The following GHR variants were observed in gnomAD, a reference collection of about 807,000 sequenced individuals.
GHR encodes the protein GH receptor.
Under a neutral mutation model 67.1 loss-of-function variants are expected in GHR, and 35 were observed. The observed-to-expected ratio is 0.52, with a 90% CI of 0.40 to 0.69. The LOEUF (loss-of-function observed/expected upper bound fraction) is 0.69. Ranked by LOEUF, GHR falls within the 30% of genes least tolerant of loss-of-function variation. GHR has a pLI of 0.00. For missense variants in GHR, 792 were observed against 764.6 expected, an observed-to-expected ratio of 1.04 and a Z score of -0.42; for synonymous variants, 272 against 269.1, an observed-to-expected ratio of 1.01 and a Z score of -0.10.
Position 42,720,741 on chromosome 5 carries a change from T to C in GHR, c.*1317T>C, listed in dbSNP as rs1402988801. The C allele has an allele frequency of 6.6e-6, 1 of 152,170 alleles. No individual in the cohort carries two copies. Among genetic ancestry groups the C allele is most frequent in the African/African-American group, 2.4e-5 (1 of 41,438 alleles). The allele number at this position is 152,170 out of a possible 1,614,324, so 9.4% of individuals were successfully genotyped here. The stretch of plus-strand genomic sequence containing the variant: ...AATTATTTAAACCGCTAAAAGAAAC[T>C]TTCTTTCTCACTAAATCTTTTATAG... On this transcript the variant is annotated 3_prime_UTR_variant, in exon 10 of 10. Transcript: ENST00000230882.
intron 3 of GHR, among the ~76,000 whole-genome samples, chr5:42,651,538 G>T (rs1174021444): frequency 1.3e-5 from 2 of 152,112 alleles, no homozygotes; most frequent in African/African-American, 4.8e-5. Flanking sequence ...ATGAGAAATG[G>T]GAGAGGACAT....
chr5:42,641,182 G>GCTGTACACAC (rs57383090), intron 3 of GHR, among the ~76,000 whole-genome samples: 1 of 151,772 alleles, frequency 6.6e-6, no homozygotes, highest in Admixed American at 6.6e-5. Context: ...GCTGTACACA[G>GCTGTACACAC]AGCTAAAAGT....
In GHR at chr5:42,521,014, A is replaced by G. The variant is rs566660600; in HGVS notation, c.-11-44850A>G. Among the ~76,000 whole-genome samples the G allele has an allele frequency of 3.3e-5, 5 of 152,004 alleles. No individual in the cohort carries two copies. In the South Asian group the frequency reaches 6.2e-4, roughly 19 times the overall value. ...TTTTTCTTTAAACTTTTTATTGTCA[A>G]TTTTCTTTCACTAGATGCCAGTTCC... On this transcript the variant is annotated intron_variant, in intron 1 of 9. Coordinates refer to ENST00000230882, the MANE Select transcript of GHR (RefSeq NM_000163.5).
rs1185498947 is a variant in GHR, at chr5:42,664,097, T to C, written c.137-24793T>C. ...CACTGCTCAATGAAATAAAAGAGGA[T>C]ACAAAGAAATGGAAGAACATTCCAT... On this transcript the variant is annotated intron_variant, in intron 3 of 9. Coordinates refer to ENST00000230882, the MANE Select transcript of GHR (RefSeq NM_000163.5). Among the ~76,000 whole-genome samples, 4 of 152,046 alleles carry C rather than the reference T, an allele frequency of 2.6e-5. No individual in the cohort carries two copies. The South Asian group carries it at 6.2e-4, about 24-fold the overall frequency.
chr5:42,547,667 A>C lies in GHR; in HGVS notation c.-11-18197A>C, dbSNP rs969028652. 4.6e-5 allele frequency among the ~76,000 whole-genome samples: 7 copies of C among 152,304 alleles called. No homozygotes were observed. In the South Asian group the frequency reaches 1.2e-3, roughly 27 times the overall value. On this transcript the variant is annotated intron_variant, in intron 1 of 9. Transcript: ENST00000230882. ...TTGACCAAAATATACTTAGTTGATT[A>C]GGACTTTGAAGGGATGAGATGAGGG...
chr5:42,663,673 G>A (rs1195081747), intron 3 of GHR, among the ~76,000 whole-genome samples: 1 of 152,118 alleles, frequency 6.6e-6, no homozygotes, highest in Non-Finnish European at 1.5e-5. Flanking sequence ...CATTCCCTTT[G>A]AAAACTGGCA....
At chr5:42,432,850 G>A (rs558200872) in intron 1 of GHR, among the ~76,000 whole-genome samples, 1 of 152,334 alleles carries the variant, frequency 6.6e-6, no homozygotes, top group Admixed American at 6.5e-5. Context: ...CATTGGTGAA[G>A]CCATGCTTTT....
intron 1 of GHR, among the ~76,000 whole-genome samples, chr5:42,493,818 T>C (rs1230733320): frequency 6.6e-6 from 1 of 152,164 alleles, no homozygotes; most frequent in Admixed American, 6.5e-5. Context: ...GGCAGATAAG[T>C]TTTCCTTCTT....
At chr5:42,602,389 A>T (rs1163786563) in intron 2 of GHR, among the ~76,000 whole-genome samples, 1 of 151,988 alleles carries the variant, frequency 6.6e-6, no homozygotes, top group African/African-American at 2.4e-5. Flanking sequence ...CTTACCTTTT[A>T]CTGTATGTAT....
intron 3 of GHR, among the ~76,000 whole-genome samples, chr5:42,682,566 T>G (rs1756940386): frequency 6.6e-6 from 1 of 152,196 alleles, no homozygotes. Context: ...ATGCTGAGTG[T>G]CTTCAGCCAC....
At chr5:42,663,879 T>C (rs1388038465) in intron 3 of GHR, among the ~76,000 whole-genome samples, 2 of 152,196 alleles carry the variant, frequency 1.3e-5, no homozygotes, top group African/African-American at 2.4e-5. Flanking sequence ...CTTAAGCTGA[T>C]AAACAACTTC....
chr5:42,543,110 C>A (rs949213021), intron 1 of GHR, among the ~76,000 whole-genome samples: 5 of 152,060 alleles, frequency 3.3e-5, no homozygotes, highest in Admixed American at 3.3e-4. Flanking sequence ...GAGCAGGTAT[C>A]TTTTTGATAT....
intron 3 of GHR, among the ~76,000 whole-genome samples, chr5:42,673,112 C>T (rs895950275): frequency 1.3e-5 from 2 of 152,106 alleles, no homozygotes; most frequent in Admixed American, 1.3e-4. Flanking sequence ...CATGAACAGA[C>T]AGTTCTCAAA....
intron 1 of GHR, among the ~76,000 whole-genome samples, chr5:42,479,636 T>A (rs1296780135): frequency 6.6e-6 from 1 of 152,206 alleles, no homozygotes; most frequent in Non-Finnish European, 1.5e-5. Context: ...GTCGAGGAAT[T>A]TATCCATTTC....
chr5:42,714,352 T>C (rs1365918619), intron 8 of GHR: 1 of 152,192 alleles, frequency 6.6e-6, no homozygotes, highest in Non-Finnish European at 1.5e-5. Flanking sequence ...CAGTTCCAGG[T>C]AACCAAGACA....
chr5:42,463,992 CAAAAAAA>C (rs70991406), intron 1 of GHR, among the ~76,000 whole-genome samples: 33 of 46,520 alleles, frequency 7.1e-4, no homozygotes, highest in East Asian at 4.6e-3. Flanking sequence ...GACTCCGTCT[CAAAAAAA>C]AAAAAAAAAA....
chr5:42,524,092 G>A (rs1448477049), intron 1 of GHR, among the ~76,000 whole-genome samples: 1 of 152,156 alleles, frequency 6.6e-6, no homozygotes, highest in Non-Finnish European at 1.5e-5. Flanking sequence ...CAGTAGAGTG[G>A]GGTATTGCTG....
rs1195041280 is a variant in GHR, at chr5:42,719,051, A to G, written c.1544A>G (p.Asp515Gly). ...QKNKAGMSQC[D>G]MHPEMVSLCQ... ...AATAAGGCAGGGATGTCCCAATGTGACATGCACCCGGAAATGGTCTCACTC... is the reference window on the plus strand; with the variant it reads ...AATAAGGCAGGGATGTCCCAATGTGGCATGCACCCGGAAATGGTCTCACTC... Residue 515 changes from aspartate (D) to glycine (G), a missense_variant, in exon 10 of 10, where the codon GAC (aspartate) becomes GGC (glycine). By Grantham distance (94) the Asp-to-Gly change is moderately conservative. Coordinates refer to ENST00000230882, the MANE Select transcript of GHR (RefSeq NM_000163.5). 2 of 1,610,160 alleles carry G rather than the reference A, an allele frequency of 1.2e-6. No individual in the cohort carries two copies. Among genetic ancestry groups the G allele is most frequent in the Non-Finnish European group, 1.7e-6 (2 of 1,177,114 alleles).
intron 1 of GHR, among the ~76,000 whole-genome samples, chr5:42,426,951 T>G (rs1235927001): frequency 1.3e-5 from 2 of 152,234 alleles, no homozygotes; most frequent in Non-Finnish European, 2.9e-5. Flanking sequence ...CAGTCCATTC[T>G]AGGAAAGATT....
Sources: gnomAD v4.1 joint callset for allele counts (sites outside exome capture counted in the v4.1 genomes callset) on GRCh38, gnomAD v4.1.1 for gene constraint, MANE v1.5 for transcripts, NCBI Gene and HGNC (gene_info 2026-07-23, HGNC 2026-07-21) for gene names.